The following RNF213 variants were observed in gnomAD, a reference collection of about 807,000 sequenced individuals.
RNF213 encodes the protein E3 ubiquitin-protein ligase RNF213.
In RNF213, 341 loss-of-function variants were observed where a neutral mutation model predicts 514.4. The observed-to-expected ratio is 0.66, with a 90% CI of 0.61 to 0.73. RNF213 has a LOEUF of 0.73. RNF213 is among the 30% of genes least tolerant of loss of function. The pLI is 0.00. For synonymous variants in RNF213, 2,655 were observed against 2,658.2 expected (o/e 1.00, Z 0.04); for missense variants, 5,767 against 6,615.6 (o/e 0.87, Z 4.45).
At position 80,377,265 on chromosome 17, in the gene RNF213, C is replaced by T. The variant is rs567469482; in HGVS notation, c.13510+302C>T. ...GAGGGACTGGGAACCACATCAGAGA[C>T]GCATTCAAAGGCCCACCACAAAACA... is the stretch of plus-strand genomic sequence containing the variant. On this transcript the variant is annotated intron_variant, in intron 53 of 67. Coordinates refer to ENST00000582970, the MANE Select transcript of RNF213 (RefSeq NM_001256071.3). This position sits in a 1 kb window ranked among gnomAD's most constrained non-coding sequence, Gnocchi z 4.1. The T allele has an allele frequency of 2.9e-5, 13 of 453,890 alleles. No homozygotes were observed. The highest frequency in any genetic ancestry group is 1.8e-4 in the South Asian group (8 of 45,412). 28.1% of individuals were successfully genotyped at this position (453,890 alleles called of 1,614,324 possible).
chr17:80,263,818 G>C lies in RNF213; in HGVS notation c.97+40G>C. 2 of 1,559,780 alleles carry C rather than the reference G, an allele frequency of 1.3e-6. No individual in the cohort carries two copies. The highest frequency in any genetic ancestry group is 1.8e-6 in the Non-Finnish European group (2 of 1,130,846). ...TGCTGGTGGAGGCTGGGGCAGTGGGGACCCCTGGAGATGTCTCACCTCCCT... is the reference window on the plus strand; with the variant it reads ...TGCTGGTGGAGGCTGGGGCAGTGGGCACCCCTGGAGATGTCTCACCTCCCT... On this transcript the variant is annotated intron_variant, in intron 2 of 67. Coordinates refer to ENST00000582970, the MANE Select transcript of RNF213 (RefSeq NM_001256071.3). The surrounding 1 kb of genome is among the most constrained non-coding windows in gnomAD (Gnocchi z 4.9).
At chr17:80,275,292 G>A (rs1160929573) in intron 3 of RNF213, among the ~76,000 whole-genome samples, 5 of 151,770 alleles carry the variant, frequency 3.3e-5, no homozygotes, top group African/African-American at 1.2e-4. Flanking sequence ...CATGGGATGC[G>A]GAAGGTTTGG....
chr17:80,295,976 C>T (rs2044927138), intron 10 of RNF213, among the ~76,000 whole-genome samples, 163 bp downstream of exon 10: 1 of 152,136 alleles, frequency 6.6e-6, no homozygotes, highest in African/African-American at 2.4e-5. Context: ...TTTTTCCTAG[C>T]ATCTGTCTTA....
In RNF213 at chr17:80,298,356, G is replaced by T. The variant is rs780655885; in HGVS notation, c.2048G>T (p.Cys683Phe). 5.0e-6 allele frequency: 8 copies of T among 1,614,018 alleles called. No individual in the cohort carries two copies. Among genetic ancestry groups the T allele is most frequent in the Non-Finnish European group, 5.9e-6 (7 of 1,180,044 alleles). ...RLYLVNLCQR[C>F]MDTRTYTWLG... ...TACCTGGTGAACCTGTGCCAAAGAT[G>T]CATGGACACAAGGACGTACACCTGG... is the stretch of plus-strand genomic sequence containing the variant. Residue 683 changes from cysteine (C) to phenylalanine (F), a missense_variant, in exon 11 of 68, where the codon TGC (cysteine) becomes TTC (phenylalanine). Coordinates refer to ENST00000582970, the MANE Select transcript of RNF213 (RefSeq NM_001256071.3).
chr17:80,340,540 C>A, intron 26 of RNF213, 184 bp downstream of exon 26: 1 of 561,990 alleles, frequency 1.8e-6, no homozygotes, highest in Non-Finnish European at 3.2e-6. Context: ...TGGTCTCCCA[C>A]AATGGGTATT....
At position 80,377,218 on chromosome 17, in the gene RNF213, A is replaced by T. The variant is rs2079796851; in HGVS notation, c.13510+255A>T. The T allele has an allele frequency of 1.9e-6, 1 of 513,910 alleles. No individual in the cohort carries two copies. Among genetic ancestry groups the T allele is most frequent in the South Asian group, 2.1e-5 (1 of 48,706 alleles). 31.8% of individuals were successfully genotyped at this position (513,910 alleles called of 1,614,324 possible). A position where few individuals can be genotyped will look rare whatever the true frequency, so the allele number is the denominator to read the frequency against. On this transcript the variant is annotated intron_variant, in intron 53 of 67. Transcript: ENST00000582970. This position sits in a 1 kb window ranked among gnomAD's most constrained non-coding sequence, Gnocchi z 4.1. ...TCTGTGATGCACTTCTGTTCTCTGG[A>T]ATATGCCATTTTGGGAGAAGGGAGG...
chr17:80,343,279 A>T lies in RNF213; in HGVS notation c.6137A>T (p.Gln2046Leu), dbSNP rs1348250179. 1.9e-6 allele frequency: 3 copies of T among 1,613,498 alleles called. No homozygotes were observed. Among genetic ancestry groups the T allele is most frequent in the Non-Finnish European group, 2.5e-6 (3 of 1,179,858 alleles). ...GCCCTGCTGCCCTTCCTGGATGCGC[A>T]GTATCAGAAGGTCCCCGTGCTCTTT... ...LGALLPFLDA[Q>L]YQKVPVLFHL... Residue 2046 changes from glutamine (Q) to leucine (L), a missense_variant, in exon 27 of 68, where the codon CAG (glutamine) becomes CTG (leucine). Physicochemically the swap from Gln to Leu is moderately radical, Grantham distance 113. Coordinates refer to ENST00000582970, the MANE Select transcript of RNF213 (RefSeq NM_001256071.3). This position sits in a 1 kb window ranked among gnomAD's most constrained non-coding sequence, Gnocchi z 4.3.
chr17:80,343,152 A>T lies in RNF213; in HGVS notation c.6010A>T (p.Arg2004Trp), dbSNP rs1418783689. The change falls in exon 27 of 68, where the codon AGG becomes TGG. Residue 2004 changes from arginine (R) to tryptophan (W), a missense_variant. Physicochemically the swap from Arg to Trp is moderately radical, Grantham distance 101. Transcript: ENST00000582970. This position sits in a 1 kb window ranked among gnomAD's most constrained non-coding sequence, Gnocchi z 4.3. ...TATAGGAAAGTCTCTGTACGTGAAG[A>T]GGTTGCACGACAAAATGAAGATGCA... ...AGVGKSLYVK[R>W]LHDKMKMQLN... 6.2e-7 allele frequency: 1 copy of T among 1,613,770 alleles called. No individual in the cohort carries two copies. Among genetic ancestry groups the T allele is most frequent in the African/African-American group, 1.3e-5 (1 of 74,890 alleles).
At chr17:80,335,845 T>C (rs180890288) in intron 22 of RNF213, among the ~76,000 whole-genome samples, 9 of 151,854 alleles carry the variant, frequency 5.9e-5, no homozygotes, top group Admixed American at 3.9e-4. Context: ...GGCGTGGTGG[T>C]GGGCGCCAGT....
At chr17:80,325,587 A>C (rs1456799198) in intron 18 of RNF213, among the ~76,000 whole-genome samples, 1 of 152,188 alleles carries the variant, frequency 6.6e-6, no homozygotes, top group African/African-American at 2.4e-5. Flanking sequence ...ATCCAGACCC[A>C]GGTATGTCTT....
chr17:80,316,762 C>T, intron 15 of RNF213: 1 of 300,528 alleles, frequency 3.3e-6, no homozygotes, highest in Non-Finnish European at 6.5e-6. Context: ...CTCATTTGTG[C>T]AGAGTCCGAA....
In RNF213 at chr17:80,369,802, C is replaced by T; in HGVS notation, c.12360C>T (p.Phe4120=). Residue 4120 remains phenylalanine, a synonymous_variant, in exon 46 of 68, where the codon TTC becomes TTT. Coordinates refer to ENST00000582970, the MANE Select transcript of RNF213 (RefSeq NM_001256071.3). ...HCEHTKSLSP[F]NDVVDKTPVI... is the part of the protein sequence containing the mutation. ...AACACACAAAATCTCTCTCTCCATT[C>T]AATGATGTTGTGGATAAGACTCCTG... 1 of 1,613,918 alleles carries T rather than the reference C, an allele frequency of 6.2e-7. No homozygotes were observed.
Position 80,343,535 on chromosome 17 carries a change from G to C in RNF213, c.6183+210G>C, listed in dbSNP as rs534885407. 1.2e-4 allele frequency among the ~76,000 whole-genome samples: 19 copies of C among 152,178 alleles called. No homozygotes were observed. The highest frequency in any genetic ancestry group is 9.2e-4 in the Admixed American group (14 of 15,270). On this transcript the variant is annotated intron_variant, in intron 27 of 67. Transcript: ENST00000582970. This position sits in a 1 kb window ranked among gnomAD's most constrained non-coding sequence, Gnocchi z 4.3. Reference sequence around the variant, plus strand: ...GGTGTGCGCTTACACTAACCTAGACGTAGAGCCCACTGCACACACAGGCTT... The same window carrying C: ...GGTGTGCGCTTACACTAACCTAGACCTAGAGCCCACTGCACACACAGGCTT...
At chr17:80,379,340 G>A (rs1451246896) in intron 54 of RNF213, 1 of 459,840 alleles carries the variant, frequency 2.2e-6, no homozygotes, top group African/African-American at 2.0e-5. Context: ...AAGAAAGGAA[G>A]GTTGAATTTT....
intron 32 of RNF213, chr17:80,352,214 G>C (rs983841208): frequency 1.5e-5 from 3 of 201,000 alleles, no homozygotes; most frequent in South Asian, 8.5e-5. Flanking sequence ...GTGTTGTACA[G>C]TCTGAAATTA....
chr17:80,307,285 C>G lies in RNF213; in HGVS notation c.2501+84C>G, dbSNP rs571989329. ...GACCCCTATAATTGGCCGTGACCCACATGTGCTGTTGTAACAGCAAGGTCA... is the reference window on the plus strand; with the variant it reads ...GACCCCTATAATTGGCCGTGACCCAGATGTGCTGTTGTAACAGCAAGGTCA... On this transcript the variant is annotated intron_variant, in intron 13 of 67. Transcript: ENST00000582970. 1.6e-4 allele frequency: 189 copies of G among 1,152,284 alleles called. No homozygotes were observed. The African/African-American group carries it at 2.6e-3, about 16-fold the overall frequency. 71.4% of individuals were successfully genotyped at this position (1,152,284 alleles called of 1,614,324 possible). A position where few individuals can be genotyped will look rare whatever the true frequency, so the allele number is the denominator to read the frequency against.
chr17:80,353,142 T>C lies in RNF213; in HGVS notation c.10423+83T>C. ...GTGGAGCGTGGCGTGCACATGGCAC[T>C]AGGAGCAGGGCCACCGTGTTTCGTC... On this transcript the variant is annotated intron_variant, in intron 33 of 67. Transcript: ENST00000582970. This position sits in a 1 kb window ranked among gnomAD's most constrained non-coding sequence, Gnocchi z 5.0. 1 of 1,570,320 alleles carries C rather than the reference T, an allele frequency of 6.4e-7. No individual in the cohort carries two copies. Among genetic ancestry groups the C allele is most frequent in the Middle Eastern group, 1.7e-4 (1 of 5,998 alleles).
At chr17:80,327,675 C>T in intron 18 of RNF213, 141 bp from the exon 19 acceptor site, 1 of 688,536 alleles carries the variant, frequency 1.5e-6, no homozygotes, top group Non-Finnish European at 2.4e-6. Context: ...ATGATTGGCG[C>T]ATCTGGAGAC....
At chr17:80,299,946 C>T (rs560377715) in intron 11 of RNF213, among the ~76,000 whole-genome samples, 40 of 152,278 alleles carry the variant, frequency 2.6e-4, no homozygotes, top group Non-Finnish European at 4.9e-4. Context: ...ACCACATTTT[C>T]TTTATCCAGT....
Sources: allele counts gnomAD v4.1 joint callset (sites outside exome capture counted in the v4.1 genomes callset), GRCh38; gene constraint gnomAD v4.1.1; non-coding constraint Gnocchi (gnomAD v3.1); transcripts MANE v1.5; gene names NCBI Gene and HGNC (gene_info 2026-07-23, HGNC 2026-07-21).